Variants in MACROD2 observed in about 807,000 individuals in gnomAD.
MACROD2 encodes ADP-ribose glycohydrolase MACROD2.
In MACROD2, 36 loss-of-function variants were observed where a neutral mutation model predicts 70.4. That is an observed-to-expected ratio of 0.51 (90% CI 0.39 to 0.68). The LOEUF (loss-of-function observed/expected upper bound fraction) is 0.68, where lower values mean the gene tolerates loss of function less well. Ranked by LOEUF, MACROD2 falls within the 30% of genes least tolerant of loss-of-function variation. MACROD2 has a pLI of 0.00. For missense variants in MACROD2, 496 were observed against 538.4 expected (o/e 0.92, Z 0.78); for synonymous variants, 172 against 178.8 (o/e 0.96, Z 0.30).
chr20:16,038,413 A>G (rs2067262753), intron 15 of MACROD2, among the ~76,000 whole-genome samples: 1 of 151,942 alleles, frequency 6.6e-6, no homozygotes, highest in Middle Eastern at 3.4e-3. Context: ...TGGGGTTTTC[A>G]TCTGCAATTT....
At chr20:14,130,965 C>A (rs2054710711) in intron 3 of MACROD2, among the ~76,000 whole-genome samples, 1 of 146,928 alleles carries the variant, frequency 6.8e-6, no homozygotes, top group South Asian at 2.1e-4. Context: ...GGCTCTGTTG[C>A]CCAAGCCAGA....
chr20:15,007,338 T>C (rs374723741), intron 5 of MACROD2, among the ~76,000 whole-genome samples: 4,037 of 151,280 alleles, frequency 0.027, 90 homozygotes, highest in South Asian at 0.071. Context: ...CACTCCAGCC[T>C]GGGCGACAGA....
At chr20:15,866,252 A>G (rs1187707583) in intron 9 of MACROD2, among the ~76,000 whole-genome samples, 1 of 152,004 alleles carries the variant, frequency 6.6e-6, no homozygotes, top group Non-Finnish European at 1.5e-5. Context: ...ATTAGCTGAG[A>G]GTGGTGGTGC....
chr20:16,027,511 A>G (rs1407369916), intron 15 of MACROD2, among the ~76,000 whole-genome samples: 3 of 152,342 alleles, frequency 2.0e-5, no homozygotes, highest in South Asian at 4.1e-4. Flanking sequence ...AACCCTCGCC[A>G]TCAGAGATGC....
intron 5 of MACROD2, among the ~76,000 whole-genome samples, chr20:14,873,183 C>T (rs556837374): frequency 6.6e-5 from 10 of 152,144 alleles, no homozygotes; most frequent in Non-Finnish European, 1.0e-4. Flanking sequence ...AACGCATGCA[C>T]AGAATGTAGT....
chr20:14,063,172 T>C (rs2053709590), intron 2 of MACROD2, among the ~76,000 whole-genome samples: 1 of 152,208 alleles, frequency 6.6e-6, no homozygotes, highest in Non-Finnish European at 1.5e-5. Context: ...AAGGAATTGA[T>C]TTAATTTTTG....
rs1179334353 is a variant in MACROD2, at chr20:15,936,272, A to G, written c.839-1204A>G. 3.4e-5 allele frequency among the ~76,000 whole-genome samples: 5 copies of G among 148,996 alleles called. No individual in the cohort carries two copies. In the East Asian group the frequency reaches 9.7e-4, roughly 29 times the overall value. On this transcript the variant is annotated intron_variant, in intron 11 of 17. Transcript: ENST00000684519. ...ATATGCATATGTAATGTGTGTGTAT[A>G]TATATACACACATATGTAATGTGTG...
chr20:15,026,699 C>T (rs2075234609), intron 5 of MACROD2, among the ~76,000 whole-genome samples: 2 of 151,966 alleles, frequency 1.3e-5, no homozygotes, highest in Admixed American at 1.3e-4. Context: ...ACCCAGGGAA[C>T]TCTGCGGACT....
intron 4 of MACROD2, among the ~76,000 whole-genome samples, chr20:14,598,866 T>G (rs1187563385): frequency 6.6e-6 from 1 of 152,168 alleles, no homozygotes; most frequent in Admixed American, 6.6e-5. Flanking sequence ...AAGAATTATA[T>G]CATGTAAATC....
At chr20:14,316,502 A>G (rs372915647) in intron 3 of MACROD2, among the ~76,000 whole-genome samples, 2 of 152,242 alleles carry the variant, frequency 1.3e-5, no homozygotes, top group African/African-American at 4.8e-5. Flanking sequence ...GCAGCCCAGG[A>G]TGGCTTTGAA....
chr20:14,981,506 G>A lies in MACROD2; in HGVS notation c.419-248434G>A, dbSNP rs75941696. Among the ~76,000 whole-genome samples the A allele has an allele frequency of 8.6e-3, 1,304 of 151,366 alleles. 25 individuals carry two copies. Among genetic ancestry groups the A allele is most frequent in the Middle Eastern group, 0.051 (15 of 294 alleles). ...TGTGTGCATGTTATATGATTTGGCC[G>A]TGTCCCCACTCAAATCTCATTTTAA... On this transcript the variant is annotated intron_variant, in intron 5 of 17. Coordinates refer to ENST00000684519, the MANE Select transcript of MACROD2 (RefSeq NM_001351661.2).
At chr20:14,523,550 T>C (rs1176673841) in intron 4 of MACROD2, 4 of 152,206 alleles carry the variant, frequency 2.6e-5, no homozygotes, top group African/African-American at 9.7e-5. Flanking sequence ...TCATCTTTTC[T>C]TCACCTAGGG....
intron 5 of MACROD2, among the ~76,000 whole-genome samples, chr20:14,918,053 G>C (rs1397446224): frequency 6.6e-6 from 1 of 151,932 alleles, no homozygotes; most frequent in Non-Finnish European, 1.5e-5. Context: ...GCTCACTTTA[G>C]CCTCGACCAC....
intron 5 of MACROD2, among the ~76,000 whole-genome samples, chr20:15,216,899 A>G (rs1177325252): frequency 6.6e-6 from 1 of 152,120 alleles, no homozygotes; most frequent in Non-Finnish European, 1.5e-5. Flanking sequence ...CACACTATGT[A>G]TTTTACATCT....
At chr20:14,367,593 A>T (rs893437136) in intron 3 of MACROD2, among the ~76,000 whole-genome samples, 1 of 152,192 alleles carries the variant, frequency 6.6e-6, no homozygotes, top group African/African-American at 2.4e-5. Flanking sequence ...TAAAAATGTT[A>T]TTTAACTTCT....
chr20:14,237,314 G>C (rs1601386127), intron 3 of MACROD2, among the ~76,000 whole-genome samples: 1 of 151,574 alleles, frequency 6.6e-6, no homozygotes, highest in African/African-American at 2.4e-5. Flanking sequence ...TTTTTTGTTA[G>C]AGAATATCAG....
chr20:14,331,645 A>G (rs1417388544), intron 3 of MACROD2, among the ~76,000 whole-genome samples: 1 of 152,140 alleles, frequency 6.6e-6, no homozygotes, highest in African/African-American at 2.4e-5. Flanking sequence ...GTTCATGTTT[A>G]ACTACGTTTT....
chr20:14,366,779 G>A (rs1183469517), intron 3 of MACROD2, among the ~76,000 whole-genome samples: 1 of 152,108 alleles, frequency 6.6e-6, no homozygotes, highest in Non-Finnish European at 1.5e-5. Context: ...CAGCCTATCT[G>A]TGTCTTTGGA....
At chr20:14,394,373 G>T (rs1398073209) in intron 3 of MACROD2, among the ~76,000 whole-genome samples, 3 of 152,086 alleles carry the variant, frequency 2.0e-5, no homozygotes, top group Non-Finnish European at 4.4e-5. Context: ...TTGATGCTAT[G>T]GTAAATGGAA....
Sources: allele counts gnomAD v4.1 joint callset (sites outside exome capture counted in the v4.1 genomes callset), GRCh38; gene constraint gnomAD v4.1.1; transcripts MANE v1.5; gene names NCBI Gene and HGNC (gene_info 2026-07-23, HGNC 2026-07-21).